Variants in NCOA2 observed in about 807,000 individuals in gnomAD.
NCOA2 encodes the protein nuclear receptor coactivator 2.
A neutral mutation model predicts 145.1 loss-of-function variants in NCOA2; 21 were observed. That is an observed-to-expected ratio of 0.14 (90% CI 0.10 to 0.21). NCOA2 has a LOEUF of 0.21. Among genes scored for constraint, NCOA2 ranks in the 10% least tolerant of loss-of-function variants. The probability of loss-of-function intolerance (pLI) is 1.00; values close to 1 mark genes in which losing one functional copy is unlikely to be tolerated. For missense variants in NCOA2, 1,472 were observed against 1,837.6 expected, an observed-to-expected ratio of 0.80 and a Z score of 3.64; for synonymous variants, 619 against 637.5, an observed-to-expected ratio of 0.97 and a Z score of 0.44.
At position 70,156,582 on chromosome 8, in the gene NCOA2, C is replaced by T. The variant is rs1169344806; in HGVS notation, c.1783G>A (p.Gly595Ser). Residue 595 changes from glycine to serine, a missense_variant, in exon 11 of 23, where the codon GGT becomes AGT. Physicochemically the swap from Gly to Ser is moderately conservative, Grantham distance 56. Around this residue, in one of 4 missense-constraint regions of NCOA2, gnomAD observed 953 missense variants for 1,062.1 expected, o/e 0.90. Coordinates refer to ENST00000452400, the MANE Select transcript of NCOA2 (RefSeq NM_006540.4). ...CFGLYGEPSE[G>S]TTGQAESSCH... ...CTGCTCTCTGCTTGTCCAGTTGTAC[C>T]TTCAGAGGGCTCCCCATATAGTCCA... is the stretch of plus-strand genomic sequence containing the variant. 1.2e-6 allele frequency: 2 copies of T among 1,613,940 alleles called. No homozygotes were observed. The highest frequency in any genetic ancestry group is 1.7e-5 in the Admixed American group (1 of 60,024).
intron 1 of NCOA2, among the ~76,000 whole-genome samples, chr8:70,321,792 C>CTTTTTTTTTTTTT (rs1563762022): frequency 3.1e-5 from 3 of 97,528 alleles, no homozygotes; most frequent in East Asian, 5.3e-4. Context: ...TCAGAATATA[C>CTTTTTTTTTTTTT]CTTTTTTTTT....
intron 2 of NCOA2, among the ~76,000 whole-genome samples, chr8:70,267,672 A>C (rs1287846622): frequency 6.6e-6 from 1 of 152,110 alleles, no homozygotes; most frequent in Non-Finnish European, 1.5e-5. Flanking sequence ...GCTGTCTTTG[A>C]CTAGTAAGTG....
chr8:70,266,385 T>C (rs1249246288), intron 2 of NCOA2, among the ~76,000 whole-genome samples: 1 of 152,218 alleles, frequency 6.6e-6, no homozygotes, highest in Non-Finnish European at 1.5e-5. Context: ...TGTTAGCTCC[T>C]GGAATTTAAC....
chr8:70,174,283 C>G (rs1334238039), intron 5 of NCOA2, among the ~76,000 whole-genome samples: 2 of 152,096 alleles, frequency 1.3e-5, no homozygotes, highest in Non-Finnish European at 2.9e-5. Flanking sequence ...TTCCTTTTGC[C>G]TATTATTTCA....
intron 1 of NCOA2, among the ~76,000 whole-genome samples, chr8:70,311,157 C>T (rs554946534): frequency 1.3e-5 from 2 of 150,702 alleles, no homozygotes; most frequent in Non-Finnish European, 3.0e-5. Flanking sequence ...ATAAGCAATC[C>T]TATTTTTTTA....
chr8:70,321,644 C>A (rs923554301), intron 1 of NCOA2, among the ~76,000 whole-genome samples: 1 of 152,006 alleles, frequency 6.6e-6, no homozygotes, highest in African/African-American at 2.4e-5. Flanking sequence ...AGACACCCTT[C>A]GCCACACAAG....
In NCOA2 at chr8:70,124,767, G is replaced by T. The variant is rs751916832; in HGVS notation, c.4015C>A (p.Gln1339Lys). ...RMAHTQSPMM[Q>K]QSQANPAYQA... ...TAGGCTGGGTTGGCCTGAGACTGTT[G>T]CATCATGGGACTCTGTGTATGTGCC... The change falls in exon 20 of 23, where the codon CAA (glutamine) becomes AAA (lysine). Residue 1339 changes from glutamine to lysine, a missense_variant. Gln to Lys is a moderately conservative substitution (Grantham distance 53, BLOSUM62 1). Around this residue, in one of 4 missense-constraint regions of NCOA2, gnomAD observed 232 missense variants for 290.6 expected, o/e 0.80. Coordinates refer to ENST00000452400, the MANE Select transcript of NCOA2 (RefSeq NM_006540.4). 1.2e-6 allele frequency: 2 copies of T among 1,613,692 alleles called. No homozygotes were observed. Among genetic ancestry groups the T allele is most frequent in the Admixed American group, 3.3e-5 (2 of 59,960 alleles).
intron 1 of NCOA2, among the ~76,000 whole-genome samples, chr8:70,366,956 G>T (rs996570177): frequency 6.6e-6 from 1 of 152,102 alleles, no homozygotes; most frequent in South Asian, 2.1e-4. Flanking sequence ...AAAAGCAGAA[G>T]ATTCATACAG....
chr8:70,420,237 C>T, the NCOA2 span, among the ~76,000 whole-genome samples: 1 of 152,210 alleles, frequency 6.6e-6, no homozygotes, highest in South Asian at 2.1e-4. Context: ...AAATTTCTTT[C>T]ACAAAGGCCA....
At chr8:70,325,387 C>A (rs1217509857) in intron 1 of NCOA2, among the ~76,000 whole-genome samples, 1 of 152,104 alleles carries the variant, frequency 6.6e-6, no homozygotes, top group Non-Finnish European at 1.5e-5. Flanking sequence ...CAGTCTCTCA[C>A]TCATTCACTC....
Position 70,159,560 on chromosome 8 carries a change from G to A in NCOA2, c.1069C>T (p.Arg357Cys), listed in dbSNP as rs1311068377. Reference protein sequence around the residue: ...VAAQTKSKLIRSQTTNEPQLV... With the variant: ...VAAQTKSKLICSQTTNEPQLV... ...TGAGGTTCATTAGTAGTCTGAGAAC[G>A]GATGAGTTTGCTCTTCGTTTGTGCA... Residue 357 changes from arginine to cysteine, a missense_variant, in exon 10 of 23, where the codon CGT (arginine) becomes TGT (cysteine). Coordinates refer to ENST00000452400, the MANE Select transcript of NCOA2 (RefSeq NM_006540.4). The A allele has an allele frequency of 4.3e-6, 7 of 1,611,892 alleles. No individual in the cohort carries two copies. The highest frequency in any genetic ancestry group is 5.9e-6 in the Non-Finnish European group (7 of 1,178,222).
rs716741 is a variant in NCOA2 at position 70,194,679 on chromosome 8, T to C, written c.259+19224A>G. Among the ~76,000 whole-genome samples, 861 of 132,120 alleles carry C rather than the reference T, an allele frequency of 6.5e-3. 6 individuals carry two copies. Among genetic ancestry groups the C allele is most frequent in the African/African-American group, 0.028 (798 of 28,744 alleles). 86.7% of individuals were successfully genotyped at this position (132,120 alleles called of 152,430 possible). A position where few individuals can be genotyped will look rare whatever the true frequency, so the allele number is the denominator to read the frequency against. On this transcript the variant is annotated intron_variant, in intron 4 of 22. Transcript: ENST00000452400. ...TTTTTCTGGGCTCTTTTATCTTCTT[T>C]TTTTTTTTTTTTTTTTTTCCTGACA...
chr8:70,318,503 T>C (rs1297311125), intron 1 of NCOA2, among the ~76,000 whole-genome samples: 2 of 152,006 alleles, frequency 1.3e-5, no homozygotes, highest in Non-Finnish European at 2.9e-5. Context: ...TGGTGGCTCA[T>C]GCCTGTAATC....
intron 4 of NCOA2, among the ~76,000 whole-genome samples, chr8:70,194,466 T>C (rs1341657158): frequency 6.6e-6 from 1 of 152,136 alleles, no homozygotes; most frequent in Non-Finnish European, 1.5e-5. Context: ...GTGTTGTTTA[T>C]CTAGAGGTTA....
At chr8:70,386,841 A>C (rs1812717278) in intron 1 of NCOA2, among the ~76,000 whole-genome samples, 1 of 152,206 alleles carries the variant, frequency 6.6e-6, no homozygotes, top group Non-Finnish European at 1.5e-5. Context: ...GAAATAAAGC[A>C]CTTGTCCAAT....
chr8:70,196,357 C>T (rs1308744255), intron 4 of NCOA2, among the ~76,000 whole-genome samples: 2 of 152,168 alleles, frequency 1.3e-5, no homozygotes, highest in African/African-American at 4.8e-5. Flanking sequence ...GCCTGGGCAA[C>T]AGGGCTAGAC....
At chr8:70,252,815 G>A (rs1823316231) in intron 2 of NCOA2, among the ~76,000 whole-genome samples, 1 of 152,184 alleles carries the variant, frequency 6.6e-6, no homozygotes, top group Non-Finnish European at 1.5e-5. Context: ...ACTCTTTGTA[G>A]AGATGTTATA....
the NCOA2 span, among the ~76,000 whole-genome samples, chr8:70,431,389 G>A: frequency 1.4e-4 from 21 of 152,228 alleles, no homozygotes; most frequent in African/African-American, 4.8e-4. Context: ...ATTGCCAAAG[G>A]ATAATGCTGT....
the NCOA2 span, among the ~76,000 whole-genome samples, chr8:70,434,323 C>T: frequency 5.3e-4 from 80 of 152,136 alleles, no homozygotes; most frequent in Non-Finnish European, 6.2e-4. Flanking sequence ...AAAATTGATA[C>T]GATAACATTA....
Sources: allele counts gnomAD v4.1 joint callset (sites outside exome capture counted in the v4.1 genomes callset), GRCh38; gene constraint gnomAD v4.1.1; regional missense constraint gnomAD v4.1.1; transcripts MANE v1.5; gene names NCBI Gene and HGNC (gene_info 2026-07-23, HGNC 2026-07-21).